FHIT: variants seen among roughly 807,000 people sequenced by gnomAD.
FHIT encodes fragile histidine triad diadenosine triphosphatase, also known as bis(5'-adenosyl)-triphosphatase.
In FHIT, 19 loss-of-function variants were observed where a neutral mutation model predicts 17.9. The ratio of observed to expected loss-of-function variants is 1.06; its 90% CI spans 0.74 to 1.56. FHIT has a LOEUF of 1.56. FHIT is among the 40% of genes most tolerant of loss of function. FHIT has a pLI of 0.00. For synonymous variants in FHIT, 81 were observed against 69.7 expected (o/e 1.16, Z -0.81); for missense variants, 248 against 189.2 (o/e 1.31, Z -1.82).
At chr3:61,211,289 T>C (rs187573223) in intron 1 of FHIT, among the ~76,000 whole-genome samples, 250 of 143,648 alleles carry the variant, frequency 1.7e-3, no homozygotes, top group Middle Eastern at 3.6e-3. Flanking sequence ...GAAAATAGGG[T>C]CACTCCCACC....
chr3:60,188,630 A>G (rs1702266958), intron 5 of FHIT, among the ~76,000 whole-genome samples: 1 of 152,162 alleles, frequency 6.6e-6, no homozygotes, highest in Non-Finnish European at 1.5e-5. Context: ...AACTATTTTT[A>G]TAAAGAAATT....
intron 5 of FHIT, among the ~76,000 whole-genome samples, chr3:60,085,620 A>G (rs1185956818): frequency 6.6e-6 from 1 of 152,148 alleles, no homozygotes; most frequent in Non-Finnish European, 1.5e-5. Context: ...TCATTTCAGA[A>G]CCTCATATAC....
chr3:60,668,106 A>G (rs2040422478), intron 4 of FHIT, among the ~76,000 whole-genome samples: 1 of 151,910 alleles, frequency 6.6e-6, no homozygotes. Context: ...TTCTTGCCCC[A>G]GTGACTCTAG....
chr3:60,240,600 C>T lies in FHIT; in HGVS notation c.104-226448G>A, dbSNP rs571200915. Among the ~76,000 whole-genome samples the T allele has an allele frequency of 3.2e-4, 49 of 152,232 alleles. 1 individual carries two copies. The South Asian group carries it at 5.2e-3, about 16-fold the overall frequency. ...CTTTGCCTTGGTCCAAATATAATTT[C>T]GTTTTTATACAATTCAAATGCTATA... On this transcript the variant is annotated intron_variant, in intron 5 of 9. Coordinates refer to ENST00000492590, the MANE Select transcript of FHIT (RefSeq NM_002012.4).
At chr3:60,653,898 C>T (rs1577031384) in intron 4 of FHIT, among the ~76,000 whole-genome samples, 1 of 152,186 alleles carries the variant, frequency 6.6e-6, no homozygotes, top group Admixed American at 6.5e-5. Flanking sequence ...CTGCCCAAAT[C>T]TCTTCAAAAT....
intron 5 of FHIT, among the ~76,000 whole-genome samples, chr3:60,376,174 T>G (rs1227655774): frequency 6.6e-6 from 1 of 152,172 alleles, no homozygotes; most frequent in East Asian, 1.9e-4. Flanking sequence ...ATTGAGATTT[T>G]AAGTAGAGTA....
At chr3:60,403,699 G>T (rs939987540) in intron 5 of FHIT, among the ~76,000 whole-genome samples, 19 of 152,092 alleles carry the variant, frequency 1.2e-4, no homozygotes, top group African/African-American at 3.6e-4. Flanking sequence ...GACACACCTT[G>T]CTGGGTTTTC....
chr3:59,771,227 A>AC, intron 8 of FHIT, among the ~76,000 whole-genome samples: 1 of 152,212 alleles, frequency 6.6e-6, no homozygotes, highest in South Asian at 2.1e-4. Flanking sequence ...AGAAGGAAGA[A>AC]CAGGTGGGCT....
At chr3:60,507,300 G>C (rs748488679) in intron 5 of FHIT, among the ~76,000 whole-genome samples, 2 of 152,118 alleles carry the variant, frequency 1.3e-5, no homozygotes, top group Non-Finnish European at 2.9e-5. Context: ...AACACGATTT[G>C]GTGGAGGAAT....
chr3:60,228,243 G>A (rs1024077336), intron 5 of FHIT, among the ~76,000 whole-genome samples: 2 of 152,128 alleles, frequency 1.3e-5, no homozygotes, highest in African/African-American at 4.8e-5. Context: ...TATGTAAAAT[G>A]TCCAGAATAG....
intron 5 of FHIT, among the ~76,000 whole-genome samples, chr3:60,495,054 C>T (rs1026041340): frequency 1.3e-5 from 2 of 152,132 alleles, no homozygotes; most frequent in Non-Finnish European, 2.9e-5. Context: ...CCAAACTGTT[C>T]TCCTTAGTGG....
intron 8 of FHIT, among the ~76,000 whole-genome samples, chr3:59,775,927 T>A (rs1053953373): frequency 6.6e-6 from 1 of 152,338 alleles, no homozygotes; most frequent in Middle Eastern, 3.4e-3. Context: ...GATGGACAGA[T>A]GGAGATAATG....
chr3:60,099,665 A>T (rs544512439), intron 5 of FHIT, among the ~76,000 whole-genome samples: 6 of 152,184 alleles, frequency 3.9e-5, no homozygotes, highest in Non-Finnish European at 8.8e-5. Flanking sequence ...ACATATTTAC[A>T]TACTTTTTTC....
chr3:59,843,784 G>A (rs368515724), intron 8 of FHIT, among the ~76,000 whole-genome samples: 3 of 149,846 alleles, frequency 2.0e-5, no homozygotes, highest in Non-Finnish European at 4.4e-5. Context: ...TTTTTTTTTG[G>A]TGGAATCTTT....
At chr3:61,168,095 A>T (rs141283008) in intron 2 of FHIT, among the ~76,000 whole-genome samples, 8 of 152,390 alleles carry the variant, frequency 5.2e-5, no homozygotes, top group African/African-American at 1.9e-4. Context: ...TTTTAAAAGC[A>T]CTGAAAAAAT....
chr3:60,170,457 C>G (rs1701367987), intron 5 of FHIT, among the ~76,000 whole-genome samples: 2 of 152,116 alleles, frequency 1.3e-5, no homozygotes, highest in Admixed American at 6.6e-5. Context: ...ATAATCCATC[C>G]CACGTGAGTA....
intron 5 of FHIT, among the ~76,000 whole-genome samples, chr3:60,027,131 ACACACACAC>A (rs1700776742): frequency 7.6e-6 from 1 of 132,142 alleles, no homozygotes; most frequent in African/African-American, 3.1e-5. Context: ...ACACACACAC[ACACACACAC>A]ACACACACAA....
intron 5 of FHIT, among the ~76,000 whole-genome samples, chr3:60,193,503 A>C (rs1702494093): frequency 6.6e-6 from 1 of 152,238 alleles, no homozygotes; most frequent in African/African-American, 2.4e-5. Context: ...TCCAGAAGAA[A>C]GGCCTCAGAC....
intron 4 of FHIT, chr3:60,732,302 A>C (rs1394963855): frequency 1.1e-6 from 1 of 951,996 alleles, no homozygotes; most frequent in Non-Finnish European, 1.7e-6. Context: ...GGCACATGAA[A>C]AACTGGGAAC....
Sources: allele counts gnomAD v4.1 joint callset (sites outside exome capture counted in the v4.1 genomes callset), GRCh38; gene constraint gnomAD v4.1.1; transcripts MANE v1.5; gene names NCBI Gene and HGNC (gene_info 2026-07-23, HGNC 2026-07-21).